The following PCDH15 variants were observed in gnomAD, a reference collection of about 807,000 sequenced individuals.
The protein encoded by PCDH15 is protocadherin-15.
In PCDH15, 129 loss-of-function variants were observed where a neutral mutation model predicts 178.5. The observed-to-expected ratio is 0.72, with a 90% CI of 0.63 to 0.84. The LOEUF is 0.84. Ranked by LOEUF, PCDH15 falls within the 40% of genes least tolerant of loss-of-function variation. PCDH15 has a pLI of 0.00. For synonymous variants in PCDH15, 800 were observed against 732.0 expected (o/e 1.09, Z -1.50); for missense variants, 2,230 against 2,099.9 (o/e 1.06, Z -1.21).
At position 53,935,190 on chromosome 10, in the gene PCDH15, G is replaced by T. The variant is rs1417475536; in HGVS notation, c.3373+3625C>A. Among the ~76,000 whole-genome samples, 3 of 152,042 alleles carry T rather than the reference G, an allele frequency of 2.0e-5. No homozygotes were observed. The East Asian group carries it at 5.8e-4, about 29-fold the overall frequency. On this transcript the variant is annotated intron_variant, in intron 25 of 37. Transcript: ENST00000644397. ...AAAATTTAATTTAAAAAAAGAAAAT[G>T]AGTCAAGTTATCCAGTCAAATTGGT...
chr10:54,112,808 A>G (rs919255944), intron 15 of PCDH15, among the ~76,000 whole-genome samples: 2 of 152,230 alleles, frequency 1.3e-5, no homozygotes, highest in African/African-American at 2.4e-5. Context: ...ATCTAAACTC[A>G]CAATAATCTT....
At chr10:55,187,150 AACAG>A (rs776731558) in intron 1 of PCDH15, among the ~76,000 whole-genome samples, 2 of 152,006 alleles carry the variant, frequency 1.3e-5, no homozygotes, top group African/African-American at 4.8e-5. Context: ...GTGGAGTGTG[AACAG>A]ACAAAGAGGA....
At chr10:54,540,423 T>C (rs962695997) in intron 2 of PCDH15, among the ~76,000 whole-genome samples, 1 of 152,142 alleles carries the variant, frequency 6.6e-6, no homozygotes, top group African/African-American at 2.4e-5. Context: ...AATGGATATA[T>C]TCCTGGAAAC....
chr10:55,068,923 A>T (rs996846143), intron 2 of PCDH15, among the ~76,000 whole-genome samples: 23 of 151,912 alleles, frequency 1.5e-4, no homozygotes, highest in Admixed American at 3.9e-4. Context: ...TTTGAGACAG[A>T]GTCTCACTCC....
At chr10:54,222,294 G>A (rs755867370) in intron 9 of PCDH15, among the ~76,000 whole-genome samples, 8 of 152,124 alleles carry the variant, frequency 5.3e-5, no homozygotes, top group South Asian at 2.1e-4. Flanking sequence ...TACCACAATC[G>A]GGATATAGAA....
chr10:54,790,371 AT>A (rs1198222986), intron 1 of PCDH15, among the ~76,000 whole-genome samples: 1 of 151,422 alleles, frequency 6.6e-6, no homozygotes, highest in East Asian at 1.9e-4. Context: ...TATGTAAAAA[AT>A]ATATATATGT....
At chr10:53,819,050 T>C (rs2076162908) in intron 33 of PCDH15, among the ~76,000 whole-genome samples, 1 of 152,074 alleles carries the variant, frequency 6.6e-6, no homozygotes, top group African/African-American at 2.4e-5. Flanking sequence ...GCAGTGAATT[T>C]CGTAGAGTGC....
intron 21 of PCDH15, among the ~76,000 whole-genome samples, chr10:53,977,233 C>T (rs574964683): frequency 1.6e-4 from 24 of 152,216 alleles, no homozygotes; most frequent in African/African-American, 2.4e-4. Flanking sequence ...CAAGGATGTC[C>T]GATCTTTTAG....
At chr10:55,090,522 C>T (rs927061949) in intron 2 of PCDH15, among the ~76,000 whole-genome samples, 1 of 151,930 alleles carries the variant, frequency 6.6e-6, no homozygotes, top group Non-Finnish European at 1.5e-5. Context: ...CTTAAAAGTG[C>T]ACATTAAAGT....
At chr10:55,161,150 G>C (rs777307950) in intron 2 of PCDH15, among the ~76,000 whole-genome samples, 17 of 152,134 alleles carry the variant, frequency 1.1e-4, no homozygotes, top group Non-Finnish European at 1.8e-4. Context: ...AAAGGTGATA[G>C]GGGTGGGATA....
intron 2 of PCDH15, among the ~76,000 whole-genome samples, chr10:55,542,162 A>G (rs1303837546): frequency 6.6e-6 from 1 of 151,530 alleles, no homozygotes; most frequent in African/African-American, 2.4e-5. Context: ...ATGTCTATAT[A>G]TGTACATATG....
At chr10:55,378,459 T>G (rs1167630890) in intron 2 of PCDH15, among the ~76,000 whole-genome samples, 1 of 152,056 alleles carries the variant, frequency 6.6e-6, no homozygotes, top group Non-Finnish European at 1.5e-5. Context: ...GCAATATATA[T>G]CCCCTTAAAA....
chr10:55,290,062 A>C (rs150469484), intron 1 of PCDH15, among the ~76,000 whole-genome samples: 1 of 151,934 alleles, frequency 6.6e-6, no homozygotes, highest in African/African-American at 2.4e-5. Flanking sequence ...TGTAATAAAT[A>C]AATTTTTCTT....
chr10:54,237,266 A>C (rs533290125), intron 8 of PCDH15, among the ~76,000 whole-genome samples: 1 of 152,282 alleles, frequency 6.6e-6, no homozygotes, highest in African/African-American at 2.4e-5. Context: ...ATAGTTTATG[A>C]AGTAATGTTT....
At chr10:53,807,201 G>A (rs1841240199) in intron 37 of PCDH15, 71 bp from the exon 38 acceptor site, 4 of 1,221,962 alleles carry the variant, frequency 3.3e-6, no homozygotes, top group Non-Finnish European at 4.5e-6. Flanking sequence ...CATTGCCTGT[G>A]AAATCCAAAA....
chr10:54,027,429 G>T (rs2093139838), intron 18 of PCDH15, among the ~76,000 whole-genome samples: 1 of 151,996 alleles, frequency 6.6e-6, no homozygotes, highest in African/African-American at 2.4e-5. Flanking sequence ...TCACAGAATT[G>T]GAAAAAACTA....
chr10:55,089,978 T>C (rs1367527966), intron 2 of PCDH15, among the ~76,000 whole-genome samples: 1 of 152,108 alleles, frequency 6.6e-6, no homozygotes, highest in Non-Finnish European at 1.5e-5. Flanking sequence ...AAAACCTATA[T>C]TTAATAATGG....
intron 2 of PCDH15, among the ~76,000 whole-genome samples, chr10:55,572,662 C>T (rs566959124): frequency 5.3e-5 from 8 of 151,828 alleles, no homozygotes; most frequent in African/African-American, 1.2e-4. Context: ...ATATAAATCA[C>T]GTAAGGAAGG....
chr10:54,536,055 A>T (rs2084482330), intron 2 of PCDH15, among the ~76,000 whole-genome samples: 1 of 152,162 alleles, frequency 6.6e-6, no homozygotes, highest in Non-Finnish European at 1.5e-5. Context: ...GGAATTTAAG[A>T]TGAACAGAAC....
Sources: allele counts gnomAD v4.1 joint callset (sites outside exome capture counted in the v4.1 genomes callset), GRCh38; gene constraint gnomAD v4.1.1; transcripts MANE v1.5; gene names NCBI Gene and HGNC (gene_info 2026-07-23, HGNC 2026-07-21).